Variants in NPSR1 observed in about 807,000 individuals in gnomAD.
NPSR1 encodes neuropeptide S receptor.
In NPSR1, 48 loss-of-function variants were observed where a neutral mutation model predicts 46.9. The ratio of observed to expected loss-of-function variants is 1.02; its 90% CI spans 0.81 to 1.30. NPSR1 has a LOEUF of 1.30. Ranked by LOEUF, NPSR1 falls within the 50% of genes most tolerant of loss-of-function variation. The pLI is 0.00. For missense variants in NPSR1, 450 were observed against 449.5 expected, an observed-to-expected ratio of 1.00 and a Z score of -0.01; for synonymous variants, 176 against 168.1, an observed-to-expected ratio of 1.05 and a Z score of -0.36.
At chr7:34,797,267 A>G (rs1788215295) in intron 3 of NPSR1, among the ~76,000 whole-genome samples, 1 of 152,202 alleles carries the variant, frequency 6.6e-6, no homozygotes, top group Non-Finnish European at 1.5e-5. Flanking sequence ...ACACATGTCT[A>G]TACTTTTGTC....
intron 3 of NPSR1, among the ~76,000 whole-genome samples, chr7:34,784,787 C>T (rs1584013271): frequency 6.6e-6 from 1 of 152,084 alleles, no homozygotes; most frequent in African/African-American, 2.4e-5. Context: ...AAAATGCTCA[C>T]CATCACTGGC....
intron 3 of NPSR1, among the ~76,000 whole-genome samples, chr7:34,783,371 T>C (rs770599738): frequency 1.3e-5 from 2 of 152,054 alleles, no homozygotes; most frequent in Non-Finnish European, 2.9e-5. Context: ...AAGCCCCTTA[T>C]AAAACCATCA....
At chr7:34,828,272 G>A (rs992602994) in intron 5 of NPSR1, among the ~76,000 whole-genome samples, 1 of 152,210 alleles carries the variant, frequency 6.6e-6, no homozygotes, top group Non-Finnish European at 1.5e-5. Context: ...TAGAGGCAGA[G>A]TGGACAGGTA....
intron 3 of NPSR1, among the ~76,000 whole-genome samples, chr7:34,790,873 A>ATGTTATATTATATATCATATATGTTATG (rs1787754410): frequency 7.4e-6 from 1 of 135,414 alleles, no homozygotes; most frequent in African/African-American, 2.7e-5. Context: ...TATATGTTAT[A>ATGTTATATTATATATCATATATGTTATG]TGTTATATTA....
chr7:34,668,107 A>G (rs1000514032), intron 1 of NPSR1, among the ~76,000 whole-genome samples: 3 of 152,148 alleles, frequency 2.0e-5, no homozygotes, highest in Non-Finnish European at 4.4e-5. Context: ...GGCTACAGCC[A>G]CGATTCACCC....
chr7:34,851,003 A>G (rs555105119), downstream of NPSR1, among the ~76,000 whole-genome samples: 1 of 152,268 alleles, frequency 6.6e-6, no homozygotes, highest in East Asian at 1.9e-4. Context: ...AATGTTTTCT[A>G]GTCAATTTCT....
At chr7:34,763,714 T>C (rs1337324592) in intron 2 of NPSR1, among the ~76,000 whole-genome samples, 1 of 152,102 alleles carries the variant, frequency 6.6e-6, no homozygotes, top group Admixed American at 6.6e-5. Context: ...TGGAGCAGCA[T>C]AAAGAAATGG....
At chr7:34,749,554 A>AT (rs1785398007) in intron 2 of NPSR1, among the ~76,000 whole-genome samples, 1 of 152,216 alleles carries the variant, frequency 6.6e-6, no homozygotes, top group African/African-American at 2.4e-5. Context: ...CTGGCAAACA[A>AT]TGGATTCAGA....
At chr7:34,672,017 T>C (rs2128675209) in intron 1 of NPSR1, among the ~76,000 whole-genome samples, 1 of 152,352 alleles carries the variant, frequency 6.6e-6, no homozygotes, top group East Asian at 1.9e-4. Context: ...ACATTCTGGG[T>C]ATTTTTATTA....
intron 1 of NPSR1, among the ~76,000 whole-genome samples, chr7:34,681,606 T>G (rs1792638739): frequency 6.6e-6 from 1 of 152,136 alleles, no homozygotes; most frequent in Non-Finnish European, 1.5e-5. Flanking sequence ...CAAAGACATG[T>G]AGGGTGGCCT....
intron 4 of NPSR1, among the ~76,000 whole-genome samples, chr7:34,824,872 C>A (rs1408050401): frequency 6.6e-6 from 1 of 152,086 alleles, no homozygotes; most frequent in African/African-American, 2.4e-5. Context: ...ACACCCCCAC[C>A]ATCAAGAAGA....
Position 34,782,508 on chromosome 7 carries a change from A to G in NPSR1, c.384+3943A>G, listed in dbSNP as rs750346702. Among the ~76,000 whole-genome samples, 6 of 152,282 alleles carry G rather than the reference A, an allele frequency of 3.9e-5. No homozygotes were observed. The East Asian group carries it at 1.2e-3, about 29-fold the overall frequency. ...TCTTTATCAACTCTGACCTGAGCTG[A>G]AAAAGCTACACAGAGACTACAAATC... On this transcript the variant is annotated intron_variant, in intron 3 of 8. Transcript: ENST00000360581.
intron 2 of NPSR1, among the ~76,000 whole-genome samples, chr7:34,737,369 A>G (rs1784727301): frequency 1.3e-5 from 2 of 151,840 alleles, no homozygotes; most frequent in South Asian, 2.1e-4. Context: ...ACGAAAAAGA[A>G]GAAGCTTATT....
intron 8 of NPSR1, among the ~76,000 whole-genome samples, chr7:34,876,391 A>C (rs1429435435): frequency 6.6e-6 from 1 of 152,204 alleles, no homozygotes; most frequent in Non-Finnish European, 1.5e-5. Context: ...TGCCAATGAA[A>C]TTAACTGAAA....
chr7:34,873,395 AT>A (rs780969730), intron 8 of NPSR1, among the ~76,000 whole-genome samples: 1 of 151,718 alleles, frequency 6.6e-6, no homozygotes, highest in Non-Finnish European at 1.5e-5. Context: ...TTACACTGCT[AT>A]AAAAAAAAGT....
intron 1 of NPSR1, among the ~76,000 whole-genome samples, chr7:34,665,198 C>G (rs1290176733): frequency 1.3e-5 from 2 of 152,128 alleles, no homozygotes; most frequent in Non-Finnish European, 2.9e-5. Context: ...AAAACAAACC[C>G]TAAATCTCCG....
intron 8 of NPSR1, among the ~76,000 whole-genome samples, chr7:34,861,121 G>A (rs1232282857): frequency 1.3e-5 from 2 of 151,824 alleles, no homozygotes; most frequent in South Asian, 2.1e-4. Context: ...GATTAAACCC[G>A]CCTCTGCCGG....
chr7:34,661,861 G>A (rs896042353), intron 1 of NPSR1, among the ~76,000 whole-genome samples: 13 of 152,140 alleles, frequency 8.5e-5, no homozygotes, highest in Admixed American at 2.0e-4. Flanking sequence ...AATTATATGC[G>A]TTTCAAGAAT....
chr7:34,788,932 G>C (rs1787594342), intron 3 of NPSR1, among the ~76,000 whole-genome samples: 1 of 151,832 alleles, frequency 6.6e-6, no homozygotes. Context: ...ACAAAATTAA[G>C]ATTGAAATAT....
Sources: gnomAD v4.1 joint callset for allele counts (sites outside exome capture counted in the v4.1 genomes callset) on GRCh38, gnomAD v4.1.1 for gene constraint, MANE v1.5 for transcripts, NCBI Gene and HGNC (gene_info 2026-07-23, HGNC 2026-07-21) for gene names.